The following NEBL variants were observed in gnomAD, a reference collection of about 807,000 sequenced individuals.
NEBL encodes the protein LIM and SH3 protein 2.
In NEBL, 122 loss-of-function variants were observed where a neutral mutation model predicts 140.2. That is an observed-to-expected ratio of 0.87 (90% CI 0.75 to 1.01). The LOEUF is 1.01. Among genes scored for constraint, NEBL ranks in the 50% least tolerant of loss-of-function variants. The probability of loss-of-function intolerance (pLI) is 0.00; values close to 1 mark genes in which losing one functional copy is unlikely to be tolerated. For missense variants in NEBL, 1,365 were observed against 1,231.3 expected (o/e 1.11, Z -1.62); for synonymous variants, 436 against 398.9 (o/e 1.09, Z -1.11).
intron 2 of NEBL, among the ~76,000 whole-genome samples, chr10:21,053,342 T>C (rs1834861945): frequency 6.6e-6 from 1 of 152,158 alleles, no homozygotes; most frequent in Non-Finnish European, 1.5e-5. Context: ...TCTTTTAAAA[T>C]CCTGGCTTTC....
chr10:20,938,736 T>C (rs2131558280), intron 4 of NEBL, among the ~76,000 whole-genome samples: 1 of 151,584 alleles, frequency 6.6e-6, no homozygotes, highest in South Asian at 2.1e-4. Flanking sequence ...TGCAAAGAAG[T>C]CCTCAAAGGA....
chr10:20,868,487 AT>A lies in NEBL; in HGVS notation c.684+176del, dbSNP rs771809012. 880 of 604,834 alleles carry A rather than the reference AT, an allele frequency of 1.5e-3. 3 individuals carry two copies. Among genetic ancestry groups the A allele is most frequent in the Non-Finnish European group, 2.3e-3 (788 of 339,396 alleles). 37.5% of individuals were successfully genotyped at this position (604,834 alleles called of 1,614,324 possible). ...TGTTTTATGCTTAAAATTAGACTTAATTTTTTTCCTTTACTGAAATTCATAA... is the reference window on the plus strand; with the variant it reads ...TGTTTTATGCTTAAAATTAGACTTAATTTTTTCCTTTACTGAAATTCATAA... On this transcript the variant is annotated intron_variant, in intron 7 of 27. Coordinates refer to ENST00000377122, the MANE Select transcript of NEBL (RefSeq NM_006393.3).
intron 2 of NEBL, among the ~76,000 whole-genome samples, chr10:21,140,783 G>T (rs544968805): frequency 5.3e-5 from 8 of 152,182 alleles, no homozygotes; most frequent in African/African-American, 1.9e-4. Context: ...ACACATGGGG[G>T]CCTGTCGGGG....
chr10:21,038,047 G>A (rs1056986627), intron 2 of NEBL, among the ~76,000 whole-genome samples: 2 of 152,036 alleles, frequency 1.3e-5, no homozygotes, highest in African/African-American at 4.8e-5. Flanking sequence ...AGAGAGAAAA[G>A]TTTGCCTCTA....
Position 21,029,953 on chromosome 10 carries a change from C to T in NEBL, c.165-9752G>A, listed in dbSNP as rs953597633. On this transcript the variant is annotated intron_variant, in intron 2 of 6. Coordinates refer to the NEBL transcript ENST00000417816. ...GTGCAGCTCCAGAGATGATTTCTCTCGGGATGATTATAGGTATAATGATAG... is the reference window on the plus strand; with the variant it reads ...GTGCAGCTCCAGAGATGATTTCTCTTGGGATGATTATAGGTATAATGATAG... 4.1e-4 allele frequency: 229 copies of T among 554,108 alleles called. 1 individual carries two copies. The highest frequency in any genetic ancestry group is 3.7e-3 in the Admixed American group (139 of 37,670). The allele number at this position is 554,108 out of a possible 1,614,324, so 34.3% of individuals were successfully genotyped here.
intron 4 of NEBL, among the ~76,000 whole-genome samples, chr10:20,881,601 C>A (rs1846021235): frequency 6.6e-6 from 1 of 152,196 alleles, no homozygotes; most frequent in Non-Finnish European, 1.5e-5. Flanking sequence ...TCCACTGATA[C>A]TATTAACCTA....
At chr10:21,030,324 C>A (rs1048366431) in intron 2 of NEBL, 7 of 647,852 alleles carry the variant, frequency 1.1e-5, no homozygotes, top group Non-Finnish European at 1.9e-5. Context: ...AGTGAGTCAT[C>A]GCACACTGGG....
intron 4 of NEBL, among the ~76,000 whole-genome samples, chr10:20,931,882 A>T (rs564719997): frequency 4.6e-5 from 7 of 152,236 alleles, no homozygotes; most frequent in Non-Finnish European, 1.0e-4. Context: ...CAAAGTAAGG[A>T]AAGAAATAAT....
At chr10:20,905,398 T>C (rs1305731366) in intron 4 of NEBL, among the ~76,000 whole-genome samples, 1 of 152,128 alleles carries the variant, frequency 6.6e-6, no homozygotes, top group Admixed American at 6.6e-5. Flanking sequence ...CATACAATCA[T>C]GGCAGAAGGG....
At chr10:20,846,191 C>G (rs926421120) in intron 11 of NEBL, among the ~76,000 whole-genome samples, 1 of 152,140 alleles carries the variant, frequency 6.6e-6, no homozygotes, top group Non-Finnish European at 1.5e-5. Flanking sequence ...GACAGCCTCT[C>G]TAAATAACAA....
At position 21,136,295 on chromosome 10, in the gene NEBL, G is replaced by A. The variant is rs539651501; in HGVS notation, c.164+36088C>T. On this transcript the variant is annotated intron_variant, in intron 2 of 6. Coordinates refer to the NEBL transcript ENST00000417816. Reference sequence around the variant, plus strand: ...TAAGAAAGCCCCAAATACAACTGGCGACTGTTGAAATCCAAGGACTGCTCT... The same window carrying A: ...TAAGAAAGCCCCAAATACAACTGGCAACTGTTGAAATCCAAGGACTGCTCT... 5.9e-5 allele frequency among the ~76,000 whole-genome samples: 9 copies of A among 152,224 alleles called. 1 individual carries two copies. Among genetic ancestry groups the A allele is most frequent in the African/African-American group, 1.9e-4 (8 of 41,548 alleles).
chr10:21,044,382 G>A (rs674276), intron 2 of NEBL, among the ~76,000 whole-genome samples: 64,725 of 131,356 alleles, frequency 0.49, 17,829 homozygotes, highest in Non-Finnish European at 0.61. Flanking sequence ...GGGTGACTGG[G>A]TGACAGAGTA....
chr10:21,061,295 A>G (rs10828181), intron 2 of NEBL, among the ~76,000 whole-genome samples: 53,431 of 113,482 alleles, frequency 0.47, 12,560 homozygotes, highest in Non-Finnish European at 0.58. Flanking sequence ...TATGTAACAT[A>G]TTACATATTA....
intron 4 of NEBL, among the ~76,000 whole-genome samples, chr10:20,950,941 G>C (rs1038808382): frequency 6.6e-6 from 1 of 151,894 alleles, no homozygotes; most frequent in Non-Finnish European, 1.5e-5. Flanking sequence ...TAATTCTAAG[G>C]ATGCAATGAT....
exon 4 of NEBL, chr10:20,961,717 A>G (rs756765813): frequency 1.9e-6 from 3 of 1,613,830 alleles, no homozygotes; most frequent in Non-Finnish European, 2.5e-6. Context: ...GTAGCTCAGG[A>G]GTGTCCGTGA....
chr10:21,068,552 C>T (rs938578487), intron 2 of NEBL, among the ~76,000 whole-genome samples: 1 of 152,126 alleles, frequency 6.6e-6, no homozygotes, highest in Admixed American at 6.5e-5. Flanking sequence ...CTTGTCACCA[C>T]GAGGAAAGAA....
intron 2 of NEBL, among the ~76,000 whole-genome samples, chr10:21,122,465 G>A (rs1243054464): frequency 6.6e-6 from 1 of 152,048 alleles, no homozygotes; most frequent in Non-Finnish European, 1.5e-5. Context: ...TACTTGCTTT[G>A]CATATTTAGG....
intron 27 of NEBL, 23 bp from the exon 28 acceptor site, chr10:20,785,946 T>C (rs200080784): frequency 3.9e-5 from 62 of 1,610,204 alleles, no homozygotes; most frequent in East Asian, 1.6e-4. Context: ...GAAGGGATTA[T>C]ACGATGAATG....
intron 3 of NEBL, among the ~76,000 whole-genome samples, chr10:21,233,743 A>C (rs1271899797): frequency 7.4e-6 from 1 of 135,286 alleles, no homozygotes; most frequent in East Asian, 2.1e-4. Context: ...ATATATAGAT[A>C]TATATTACAT....
Sources: gnomAD v4.1 joint callset for allele counts (sites outside exome capture counted in the v4.1 genomes callset) on GRCh38, gnomAD v4.1.1 for gene constraint, MANE v1.5 for transcripts, NCBI Gene and HGNC (gene_info 2026-07-23, HGNC 2026-07-21) for gene names.